ZNF385B: variants seen among roughly 807,000 people sequenced by gnomAD.
The protein encoded by ZNF385B is zinc finger protein 533.
In ZNF385B, 23 loss-of-function variants were observed where a neutral mutation model predicts 39.2. That is an observed-to-expected ratio of 0.59 (90% CI 0.42 to 0.83). The LOEUF is 0.83. Ranked by LOEUF, ZNF385B falls within the 40% of genes least tolerant of loss-of-function variation. The probability of loss-of-function intolerance (pLI) is 0.00; values close to 1 mark genes in which losing one functional copy is unlikely to be tolerated. For missense variants in ZNF385B, 552 were observed against 598.9 expected, an observed-to-expected ratio of 0.92 and a Z score of 0.82; for synonymous variants, 205 against 222.6, an observed-to-expected ratio of 0.92 and a Z score of 0.70.
intron 3 of ZNF385B, among the ~76,000 whole-genome samples, chr2:179,674,199 C>CAGT (rs1251379633): frequency 2.0e-5 from 3 of 152,072 alleles, no homozygotes; most frequent in Non-Finnish European, 4.4e-5. Context: ...CCTGGTACTA[C>CAGT]AATATGCACT....
intron 1 of ZNF385B, among the ~76,000 whole-genome samples, chr2:179,857,883 C>T (rs956967835): frequency 6.6e-6 from 1 of 152,080 alleles, no homozygotes; most frequent in Non-Finnish European, 1.5e-5. Flanking sequence ...AACCAACCAA[C>T]GAGATCAAAG....
At chr2:179,713,130 T>C (rs997165037) in intron 3 of ZNF385B, among the ~76,000 whole-genome samples, 3 of 152,232 alleles carry the variant, frequency 2.0e-5, no homozygotes, top group Admixed American at 1.3e-4. Flanking sequence ...GGCTAAGATA[T>C]GATGTTCAGT....
intron 3 of ZNF385B, among the ~76,000 whole-genome samples, chr2:179,606,941 T>C (rs1263794786): frequency 6.6e-6 from 1 of 152,128 alleles, no homozygotes; most frequent in African/African-American, 2.4e-5. Flanking sequence ...GTGTGTGCTA[T>C]GTATCTCCTG....
intron 5 of ZNF385B, among the ~76,000 whole-genome samples, chr2:179,495,618 G>A (rs1175280373): frequency 3.9e-5 from 6 of 152,198 alleles, no homozygotes; most frequent in Admixed American, 3.9e-4. Flanking sequence ...CCACACGGGT[G>A]CTTGTCATGC....
At chr2:179,477,009 AT>A (rs1394547269) in intron 6 of ZNF385B, among the ~76,000 whole-genome samples, 1 of 152,182 alleles carries the variant, frequency 6.6e-6, no homozygotes, top group Admixed American at 6.5e-5. Context: ...GCAGAAAACT[AT>A]TTTTCTTCCA....
intron 1 of ZNF385B, among the ~76,000 whole-genome samples, chr2:179,860,576 T>TC: frequency 6.6e-6 from 1 of 152,200 alleles, no homozygotes; most frequent in East Asian, 1.9e-4. Flanking sequence ...GGGGACCTTC[T>TC]CTCTGCTCCT....
intron 3 of ZNF385B, among the ~76,000 whole-genome samples, chr2:179,558,563 C>G (rs2061109813): frequency 6.6e-6 from 1 of 152,122 alleles, no homozygotes; most frequent in African/African-American, 2.4e-5. Flanking sequence ...CACTTCATAG[C>G]TATTCAAAAG....
intron 4 of ZNF385B, among the ~76,000 whole-genome samples, chr2:179,527,110 G>GA (rs2058957024): frequency 6.6e-6 from 1 of 152,178 alleles, no homozygotes; most frequent in Non-Finnish European, 1.5e-5. Context: ...AAATGTTGCA[G>GA]GCTTTTAAGT....
intron 6 of ZNF385B, among the ~76,000 whole-genome samples, chr2:179,463,424 T>C (rs900704239): frequency 7.2e-5 from 11 of 152,134 alleles, no homozygotes; most frequent in African/African-American, 2.7e-4. Context: ...TACGTAGGTA[T>C]ACATGTGCCA....
chr2:179,828,656 A>G (rs1051354541), intron 1 of ZNF385B, among the ~76,000 whole-genome samples: 1 of 152,222 alleles, frequency 6.6e-6, no homozygotes, highest in Non-Finnish European at 1.5e-5. Context: ...CCTGGTTTTC[A>G]TGAAGTTTGA....
intron 3 of ZNF385B, among the ~76,000 whole-genome samples, chr2:179,683,830 ATGTT>A (rs1163898925): frequency 2.0e-5 from 3 of 152,150 alleles, no homozygotes; most frequent in Admixed American, 6.5e-5. Flanking sequence ...GAAAACATTT[ATGTT>A]TGTTTGTTTG....
At chr2:179,575,813 C>A (rs767044936) in intron 3 of ZNF385B, among the ~76,000 whole-genome samples, 2 of 151,496 alleles carry the variant, frequency 1.3e-5, no homozygotes, top group Non-Finnish European at 2.9e-5. Flanking sequence ...AAGGGAGGTA[C>A]CCATGTTTTT....
chr2:179,512,535 C>G (rs977422069), intron 5 of ZNF385B, among the ~76,000 whole-genome samples: 11 of 152,142 alleles, frequency 7.2e-5, no homozygotes, highest in Admixed American at 7.2e-4. Flanking sequence ...CCCGGCAAAG[C>G]TTAACTTTGG....
intron 3 of ZNF385B, among the ~76,000 whole-genome samples, chr2:179,738,988 A>G (rs1201604559): frequency 2.0e-5 from 3 of 152,210 alleles, no homozygotes; most frequent in Non-Finnish European, 4.4e-5. Flanking sequence ...ACTTTGTTAA[A>G]TATCTCACAG....
At chr2:179,502,433 T>C (rs1007821999) in intron 5 of ZNF385B, among the ~76,000 whole-genome samples, 1 of 152,104 alleles carries the variant, frequency 6.6e-6, no homozygotes, top group African/African-American at 2.4e-5. Flanking sequence ...TAATGGGAGG[T>C]GATTGAATCT....
At chr2:179,487,550 T>C (rs960834127) in intron 5 of ZNF385B, among the ~76,000 whole-genome samples, 8 of 152,084 alleles carry the variant, frequency 5.3e-5, no homozygotes, top group African/African-American at 1.4e-4. Flanking sequence ...TCTTCTTAAT[T>C]GAGGAGTGAA....
intron 3 of ZNF385B, among the ~76,000 whole-genome samples, chr2:179,605,716 A>G (rs535295185): frequency 6.6e-6 from 1 of 152,330 alleles, no homozygotes; most frequent in African/African-American, 2.4e-5. Context: ...TCATGTGAGC[A>G]TAATAATTAC....
chr2:179,567,174 C>T (rs531961918), intron 3 of ZNF385B, among the ~76,000 whole-genome samples: 1 of 152,256 alleles, frequency 6.6e-6, no homozygotes, highest in South Asian at 2.1e-4. Context: ...CTTGGCCTCC[C>T]AAATTGCTGG....
rs1701011180 is a variant in ZNF385B, at chr2:179,726,220, A to C, written c.298+43283T>G. On this transcript the variant is annotated intron_variant, in intron 3 of 9. Coordinates refer to ENST00000410066, the MANE Select transcript of ZNF385B (RefSeq NM_152520.6). ...GGTGTCCTGTATCTTTCCCTTCATT[A>C]AAATCTCATTGATTTATTGCCCTAA... 2.0e-5 allele frequency among the ~76,000 whole-genome samples: 3 copies of C among 152,104 alleles called. No individual in the cohort carries two copies. In the South Asian group the frequency reaches 6.2e-4, roughly 32 times the overall value.
Sources: gnomAD v4.1 joint callset for allele counts (sites outside exome capture counted in the v4.1 genomes callset) on GRCh38, gnomAD v4.1.1 for gene constraint, MANE v1.5 for transcripts, NCBI Gene and HGNC (gene_info 2026-07-23, HGNC 2026-07-21) for gene names.